Variants in DAW1 observed in about 807,000 individuals in gnomAD.
The protein encoded by DAW1 is dynein assembly factor with WD repeats 1.
In DAW1, 47 loss-of-function variants were observed where a neutral mutation model predicts 56.5. That is an observed-to-expected ratio of 0.83 (90% CI 0.66 to 1.06). DAW1 has a LOEUF of 1.06. Ranked by LOEUF, DAW1 falls within the 50% of genes least tolerant of loss-of-function variation. The pLI is 0.00. For synonymous variants in DAW1, 190 were observed against 179.0 expected (o/e 1.06, Z -0.49); for missense variants, 505 against 499.3 (o/e 1.01, Z -0.11).
At chr2:227,885,042 A>T (rs896713988) in intron 1 of DAW1, among the ~76,000 whole-genome samples, 1 of 152,056 alleles carries the variant, frequency 6.6e-6, no homozygotes, top group African/African-American at 2.4e-5. Context: ...AAAATCCGGG[A>T]ATCTCACCAT....
intron 12 of DAW1, among the ~76,000 whole-genome samples, chr2:227,921,792 G>T (rs754885024): frequency 1.3e-5 from 2 of 152,054 alleles, no homozygotes; most frequent in Non-Finnish European, 2.9e-5. Context: ...AATTTTATTT[G>T]CTCTAGATAA....
chr2:227,894,313 G>A (rs1691356450), intron 5 of DAW1, among the ~76,000 whole-genome samples: 1 of 152,068 alleles, frequency 6.6e-6, no homozygotes, highest in South Asian at 2.1e-4. Context: ...CTACTCGGGA[G>A]GCTGAGGCAG....
intron 5 of DAW1, among the ~76,000 whole-genome samples, 177 bp downstream of exon 5, chr2:227,894,094 A>C (rs952067397): frequency 6.6e-6 from 1 of 152,166 alleles, no homozygotes; most frequent in South Asian, 2.1e-4. Flanking sequence ...AGCTATCACT[A>C]TCCGCATATA....
intron 1 of DAW1, chr2:227,872,006 G>T: frequency 1.9e-6 from 1 of 520,284 alleles, no homozygotes; most frequent in Non-Finnish European, 3.4e-6. Flanking sequence ...TACACGCTTT[G>T]TGCTCTCTGC....
intron 1 of DAW1, among the ~76,000 whole-genome samples, chr2:227,878,694 A>AG (rs1690942873): frequency 6.6e-6 from 1 of 152,226 alleles, no homozygotes; most frequent in African/African-American, 2.4e-5. Flanking sequence ...ACTGCACTGC[A>AG]GCCTGGGTAA....
chr2:227,891,218 G>T (rs1263217169), intron 3 of DAW1, 37 bp from the exon 4 acceptor site: 2 of 1,583,214 alleles, frequency 1.3e-6, no homozygotes, highest in Non-Finnish European at 1.7e-6. Context: ...ATTTAATTTG[G>T]TTTGAGTCTA....
At chr2:227,900,146 G>A (rs1691504586) in intron 6 of DAW1, among the ~76,000 whole-genome samples, 3 of 152,196 alleles carry the variant, frequency 2.0e-5, no homozygotes, top group Non-Finnish European at 2.9e-5. Flanking sequence ...GCTTAGTTGT[G>A]CCTCATAGCA....
chr2:227,908,688 C>T (rs1157713545), intron 10 of DAW1, among the ~76,000 whole-genome samples: 1 of 152,176 alleles, frequency 6.6e-6, no homozygotes, highest in East Asian at 1.9e-4. Flanking sequence ...TGACAATTTC[C>T]TATTTTACAC....
At chr2:227,918,068 C>G (rs1254371553) in intron 10 of DAW1, among the ~76,000 whole-genome samples, 1 of 151,978 alleles carries the variant, frequency 6.6e-6, no homozygotes, top group Non-Finnish European at 1.5e-5. Context: ...ATTTATTTAA[C>G]TTATTCATCC....
intron 6 of DAW1, among the ~76,000 whole-genome samples, chr2:227,899,109 T>C (rs1243193414): frequency 2.0e-5 from 3 of 152,208 alleles, no homozygotes; most frequent in Non-Finnish European, 4.4e-5. Flanking sequence ...AGTGCAATAA[T>C]TGGCATTCCA....
intron 10 of DAW1, among the ~76,000 whole-genome samples, chr2:227,918,179 C>CCATCCATCCATCCAT (rs1559315219): frequency 1.5e-3 from 117 of 76,830 alleles, no homozygotes; most frequent in African/African-American, 4.1e-3. Context: ...CATCATCCAT[C>CCATCCATCCATCCAT]CATCCATCCA....
chr2:227,883,574 C>A (rs1691057588), intron 1 of DAW1, among the ~76,000 whole-genome samples: 1 of 152,114 alleles, frequency 6.6e-6, no homozygotes, highest in South Asian at 2.1e-4. Context: ...GTTTTAATAT[C>A]AAAAAATGTT....
intron 1 of DAW1, among the ~76,000 whole-genome samples, chr2:227,875,412 A>G (rs1431093432): frequency 7.9e-5 from 12 of 152,134 alleles, no homozygotes. Flanking sequence ...TAAAAGGACC[A>G]TGATCCCCAA....
intron 6 of DAW1, among the ~76,000 whole-genome samples, chr2:227,901,196 G>T (rs1691536123): frequency 6.6e-6 from 1 of 152,160 alleles, no homozygotes; most frequent in African/African-American, 2.4e-5. Flanking sequence ...AGTAGAACTT[G>T]GTTACTAAGT....
At chr2:227,920,603 A>G (rs1329047023) in intron 11 of DAW1, among the ~76,000 whole-genome samples, 1 of 152,196 alleles carries the variant, frequency 6.6e-6, no homozygotes, top group Non-Finnish European at 1.5e-5. Context: ...TAGGTTCTAC[A>G]TTCACTTATT....
At chr2:227,875,145 A>G (rs1181763639) in intron 1 of DAW1, among the ~76,000 whole-genome samples, 5 of 152,150 alleles carry the variant, frequency 3.3e-5, no homozygotes, top group African/African-American at 1.2e-4. Context: ...TACTCATGCC[A>G]AACATTTTGG....
At chr2:227,923,768 T>C (rs1721344) in intron 12 of DAW1, among the ~76,000 whole-genome samples, 166 bp from the exon 13 acceptor site, 73,285 of 151,754 alleles carry the variant, frequency 0.48, 18,189 homozygotes, top group Middle Eastern at 0.63. Context: ...ATCACTACTT[T>C]AAAAATGCCT....
intron 1 of DAW1, among the ~76,000 whole-genome samples, chr2:227,872,684 C>T: frequency 7.2e-6 from 1 of 138,650 alleles, no homozygotes; most frequent in Non-Finnish European, 1.6e-5. Flanking sequence ...CATTCACTGC[C>T]TCCCCCACCC....
At position 227,924,217 on chromosome 2, in the gene DAW1, T is replaced by G; in HGVS notation, c.*249T>G. 2.0e-6 allele frequency: 1 copy of G among 503,692 alleles called. No individual in the cohort carries two copies. The highest frequency in any genetic ancestry group is 3.5e-6 in the Non-Finnish European group (1 of 282,300). 31.2% of individuals were successfully genotyped at this position (503,692 alleles called of 1,614,324 possible). ...TGGCTAATGCCACCAGTTATTTCAG[T>G]TGTGTTTGTTTTTTAAAAGCATTAT... is the stretch of plus-strand genomic sequence containing the variant. On this transcript the variant is annotated 3_prime_UTR_variant, in exon 13 of 13. Coordinates refer to ENST00000309931, the MANE Select transcript of DAW1 (RefSeq NM_178821.3).
Sources: gnomAD v4.1 joint callset for allele counts (sites outside exome capture counted in the v4.1 genomes callset) on GRCh38, gnomAD v4.1.1 for gene constraint, MANE v1.5 for transcripts, NCBI Gene and HGNC (gene_info 2026-07-23, HGNC 2026-07-21) for gene names.